The following JADE3 variants were observed in gnomAD, a reference collection of about 807,000 sequenced individuals.
The protein encoded by JADE3 is protein Jade-3.
A neutral mutation model predicts 50.1 loss-of-function variants in JADE3; 2 were observed. That is an observed-to-expected ratio of 0.04 (90% CI 0.02 to 0.13). The LOEUF is 0.13. Among genes scored for constraint, JADE3 ranks in the 10% least tolerant of loss-of-function variants. The probability of loss-of-function intolerance (pLI) is 1.00; values close to 1 mark genes in which losing one functional copy is unlikely to be tolerated. For synonymous variants in JADE3, 218 were observed against 232.9 expected, an observed-to-expected ratio of 0.94 and a Z score of 0.58; for missense variants, 475 against 634.4, an observed-to-expected ratio of 0.75 and a Z score of 2.70.
intron 1 of JADE3, among the ~76,000 whole-genome samples, chrX:46,917,856 A>T (rs1219194137): frequency 5.7e-3 from 46 of 8,013 alleles, no homozygotes; most frequent in Non-Finnish European, 9.7e-3. Context: ...TCTCTCTCTC[A>T]TCCTCTCTCT....
intron 8 of JADE3, among the ~76,000 whole-genome samples, chrX:47,046,065 GA>G (rs782362362): frequency 9.2e-6 from 1 of 108,553 alleles, no homozygotes; most frequent in African/African-American, 3.3e-5. Flanking sequence ...AGTTGAAATG[GA>G]AAAAAAAGAT....
intron 10 of JADE3, among the ~76,000 whole-genome samples, chrX:47,057,792 C>T (rs989897532): frequency 1.3e-4 from 15 of 111,757 alleles, no homozygotes; most frequent in South Asian, 3.8e-4. Context: ...CTGTGCCATA[C>T]CAACACATGC....
At chrX:46,946,083 G>A (rs944048322) in intron 1 of JADE3, among the ~76,000 whole-genome samples, 1 of 112,032 alleles carries the variant, frequency 8.9e-6, no homozygotes, top group African/African-American at 3.2e-5. Context: ...CAAAAGAGAA[G>A]ATCAAGAGGG....
rs1431452679 is a variant in JADE3 at position 46,985,893 on chromosome X, C to CT, written c.126+102dup. On this transcript the variant is annotated intron_variant, in intron 3 of 10. Transcript: ENST00000614628. ...ATATCCCAATGTTGGAGGTGCAGGC[C>CT]TAATGGGAGATGTTTGGATCATGGG... 1.1e-5 allele frequency: 6 copies of CT among 549,784 alleles called. No homozygotes were observed. The East Asian group carries it at 2.1e-4, about 19-fold the overall frequency. The allele number at this position is 549,784 out of a possible 1,213,427, so 45.3% of individuals were successfully genotyped here.
chrX:47,026,821 A>G (rs1928918685), intron 5 of JADE3, among the ~76,000 whole-genome samples: 1 of 111,728 alleles, frequency 9.0e-6, no homozygotes, highest in African/African-American at 3.3e-5. Flanking sequence ...TAAGAACACT[A>G]AGCCCTAAAG....
rs1928308561 is a variant in JADE3 at position 47,002,493 on chromosome X, C to G, written c.284+4216C>G. Among the ~76,000 whole-genome samples the G allele has an allele frequency of 3.6e-5, 4 of 110,446 alleles. No individual in the cohort carries two copies. The Admixed American group carries it at 3.9e-4, about 11-fold the overall frequency. On this transcript the variant is annotated intron_variant, in intron 4 of 10. Coordinates refer to ENST00000614628, the MANE Select transcript of JADE3 (RefSeq NM_014735.5). ...GGAAGAATTGACATCTGTACAAGTC[C>G]TGTACACATTTTGCTAAATTTATGC...
intron 3 of JADE3, among the ~76,000 whole-genome samples, chrX:46,987,725 AC>A (rs1927892422): frequency 1.8e-5 from 2 of 111,949 alleles, no homozygotes; most frequent in Non-Finnish European, 3.8e-5. Flanking sequence ...AAACCTCGCT[AC>A]CTACCCTTTT....
intron 4 of JADE3, among the ~76,000 whole-genome samples, chrX:47,012,199 T>C (rs1477704763): frequency 1.8e-5 from 2 of 111,981 alleles, no homozygotes; most frequent in Non-Finnish European, 3.8e-5. Context: ...GATACAAGTC[T>C]CTTATCAGAA....
intron 2 of JADE3, 46 bp downstream of exon 2, chrX:46,984,986 C>T: frequency 9.6e-7 from 1 of 1,044,631 alleles, no homozygotes; most frequent in African/African-American, 1.8e-5. Flanking sequence ...ATCTATATCC[C>T]TTGAGGATTT....
intron 1 of JADE3, among the ~76,000 whole-genome samples, chrX:46,950,684 A>G (rs781846705): frequency 1.2e-4 from 13 of 111,829 alleles, no homozygotes; most frequent in Non-Finnish European, 2.3e-4. Context: ...TGTATGTTAA[A>G]TTTATATTTA....
At chrX:46,961,207 T>TAA (rs1235071228) in intron 1 of JADE3, among the ~76,000 whole-genome samples, 1 of 111,997 alleles carries the variant, frequency 8.9e-6, no homozygotes, top group Non-Finnish European at 1.9e-5. Context: ...CATCAGATCT[T>TAA]TATTGAGTTC....
At chrX:47,006,519 T>G (rs1556360371) in intron 4 of JADE3, among the ~76,000 whole-genome samples, 1 of 105,424 alleles carries the variant, frequency 9.5e-6, no homozygotes. Context: ...AGGCTGGTCT[T>G]GAACTCCCGG....
At chrX:47,032,515 A>G (rs1929043634) in intron 6 of JADE3, among the ~76,000 whole-genome samples, 1 of 110,433 alleles carries the variant, frequency 9.1e-6, no homozygotes, top group Non-Finnish European at 1.9e-5. Flanking sequence ...CAAGTAGAAG[A>G]AGGGTTGAAG....
chrX:46,948,093 G>A (rs189008163), intron 1 of JADE3, among the ~76,000 whole-genome samples: 3 of 111,863 alleles, frequency 2.7e-5, no homozygotes, highest in East Asian at 5.5e-4. Flanking sequence ...TTAAAGGGTC[G>A]GTGAAAGTTG....
At position 46,982,459 on chromosome X, in the gene JADE3, CAT is replaced by C. The variant is rs1344850850; in HGVS notation, c.-11-2424_-11-2423del. On this transcript the variant is annotated intron_variant, in intron 1 of 10. Coordinates refer to ENST00000614628, the MANE Select transcript of JADE3 (RefSeq NM_014735.5). ...TGAAGGTTTTGCCTGTTAAATCTGA[CAT>C]GTGGTTGTATGGGTCATACTTTCCT... 4.5e-5 allele frequency among the ~76,000 whole-genome samples: 5 copies of C among 111,444 alleles called. No homozygotes were observed. In the East Asian group the frequency reaches 1.1e-3, roughly 25 times the overall value.
chrX:47,050,546 A>G (rs1556371749), intron 8 of JADE3, among the ~76,000 whole-genome samples: 1 of 112,255 alleles, frequency 8.9e-6, no homozygotes. Context: ...ATAGATCTCC[A>G]GCTATAAATA....
intron 3 of JADE3, among the ~76,000 whole-genome samples, chrX:46,995,635 C>T (rs1202669216): frequency 8.9e-6 from 1 of 112,139 alleles, no homozygotes; most frequent in Non-Finnish European, 1.9e-5. Context: ...AGTTCAAAAA[C>T]TTTAAAAATG....
At chrX:46,956,052 C>CT (rs1927107199) in intron 1 of JADE3, among the ~76,000 whole-genome samples, 1 of 111,416 alleles carries the variant, frequency 9.0e-6, no homozygotes. Flanking sequence ...CACCCGTGGC[C>CT]TTTTTTTGTG....
intron 1 of JADE3, among the ~76,000 whole-genome samples, chrX:46,963,247 T>C (rs1556348245): frequency 1.8e-5 from 2 of 111,928 alleles, no homozygotes; most frequent in Non-Finnish European, 3.8e-5. Context: ...AACTTCCAGA[T>C]AGAGTGACAT....
Sources: allele counts gnomAD v4.1 joint callset (sites outside exome capture counted in the v4.1 genomes callset), GRCh38; gene constraint gnomAD v4.1.1; transcripts MANE v1.5; gene names NCBI Gene and HGNC (gene_info 2026-07-23, HGNC 2026-07-21).